TRRAP: variants seen among roughly 807,000 people sequenced by gnomAD.
The protein encoded by TRRAP is transformation/transcription domain-associated protein.
TRRAP carries 41 observed loss-of-function variants against 438.8 expected under a neutral mutation model. That is an observed-to-expected ratio of 0.09 (90% CI 0.07 to 0.12). The LOEUF (loss-of-function observed/expected upper bound fraction) is 0.12, where lower values mean the gene tolerates loss of function less well. TRRAP is among the 10% of genes least tolerant of loss of function. The pLI is 1.00. For synonymous variants in TRRAP, 1,994 were observed against 1,962.9 expected (o/e 1.02, Z -0.42); for missense variants, 3,122 against 5,055.1 (o/e 0.62, Z 11.60).
intron 21 of TRRAP, among the ~76,000 whole-genome samples, chr7:98,923,314 C>T (rs746607139): frequency 6.6e-6 from 1 of 152,144 alleles, no homozygotes; most frequent in African/African-American, 2.4e-5. Context: ...GAGGTAGGAT[C>T]GTAAAGGTCT....
At chr7:98,970,070 C>A in intron 51 of TRRAP, 42 bp from the exon 52 acceptor site, 1 of 1,600,346 alleles carries the variant, frequency 6.2e-7, no homozygotes, top group Non-Finnish European at 8.5e-7. Context: ...CTGAATGCCA[C>A]GCGCATGCCT....
At chr7:98,949,284 C>CT in intron 35 of TRRAP, 133 bp from the exon 36 acceptor site, 2 of 1,085,922 alleles carry the variant, frequency 1.8e-6, no homozygotes, top group Non-Finnish European at 2.4e-6. Flanking sequence ...GCGTGTGGTG[C>CT]TTTTTTGGTA....
At chr7:98,920,457 G>A (rs1349668725) in intron 20 of TRRAP, among the ~76,000 whole-genome samples, 3 of 150,110 alleles carry the variant, frequency 2.0e-5, no homozygotes, top group African/African-American at 4.9e-5. Context: ...TTGACAGAGC[G>A]AGACTCCGTC....
intron 3 of TRRAP, 99 bp downstream of exon 3, chr7:98,882,123 C>T: frequency 9.9e-7 from 1 of 1,011,688 alleles, no homozygotes; most frequent in Non-Finnish European, 1.4e-6. Context: ...ACTCAAAGAT[C>T]ATTGTCTTTG....
chr7:98,907,158 T>C (rs1466830898), intron 13 of TRRAP, among the ~76,000 whole-genome samples: 1 of 152,064 alleles, frequency 6.6e-6, no homozygotes, highest in African/African-American at 2.4e-5. Context: ...ACCCCTTCTC[T>C]ACTAAAAATA....
chr7:98,969,728 G>A (rs1792324475), intron 51 of TRRAP, among the ~76,000 whole-genome samples: 1 of 149,412 alleles, frequency 6.7e-6, no homozygotes, highest in Admixed American at 6.7e-5. Flanking sequence ...GTCGCCTGAG[G>A]CTGCGGGAAG....
intron 12 of TRRAP, among the ~76,000 whole-genome samples, chr7:98,904,483 C>CAAAAAAAAAA (rs59353514): frequency 8.8e-5 from 4 of 45,580 alleles, no homozygotes; most frequent in Admixed American, 2.4e-4. Flanking sequence ...GACTCTGTCT[C>CAAAAAAAAAA]AAAAAAAAAA....
chr7:98,910,216 CTGCCCCACCTCCA>C lies in TRRAP; in HGVS notation c.1512_1524del (p.Ala505ProfsTer11). The C allele has an allele frequency of 3.9e-6, 6 of 1,550,186 alleles. No individual in the cohort carries two copies. Among genetic ancestry groups the C allele is most frequent in the South Asian group, 1.2e-5 (1 of 83,702 alleles). ...CCTGCTCCCTCCCCAGCCCCTGTCCCTGCCCCACCTCCACCCCCGCCCCCACCCCCACCTGCCA... is the reference window on the plus strand; with the variant it reads ...CCTGCTCCCTCCCCAGCCCCTGTCCCCCCCCGCCCCCACCCCCACCTGCCA... On this transcript the variant is annotated frameshift_variant, in exon 15 of 73. Coordinates refer to ENST00000456197, the MANE Select transcript of TRRAP (RefSeq NM_001375524.1). LOFTEE classifies it high-confidence loss of function.
chr7:99,003,927 G>A (rs1447673301), intron 67 of TRRAP, among the ~76,000 whole-genome samples: 2 of 152,112 alleles, frequency 1.3e-5, no homozygotes, highest in Non-Finnish European at 1.5e-5. Context: ...AAAGAAATTG[G>A]CCAAGCCTGG....
At chr7:98,959,212 A>G (rs1791769550) in intron 44 of TRRAP, 132 bp from the exon 45 acceptor site, 3 of 1,268,690 alleles carry the variant, frequency 2.4e-6, no homozygotes, top group Non-Finnish European at 3.3e-6. Flanking sequence ...GGTCAGGCGG[A>G]AGAGAGGTGG....
chr7:98,897,876 T>C lies in TRRAP; in HGVS notation c.633+10T>C, dbSNP rs781928661. 14 of 1,613,642 alleles carry C rather than the reference T, an allele frequency of 8.7e-6. No individual in the cohort carries two copies. On this transcript the variant is annotated intron_variant, in intron 8 of 72. Coordinates refer to ENST00000456197, the MANE Select transcript of TRRAP (RefSeq NM_001375524.1). Reference sequence around the variant, plus strand: ...CAGTGAGACTCGAACAGTAAGTGTTTCGCTGAGTTATTTCTACCCGTGGCT... The same window carrying C: ...CAGTGAGACTCGAACAGTAAGTGTTCCGCTGAGTTATTTCTACCCGTGGCT...
At chr7:98,945,978 G>C in intron 33 of TRRAP, 28 bp downstream of exon 33, 3 of 1,430,972 alleles carry the variant, frequency 2.1e-6, no homozygotes, top group Non-Finnish European at 2.7e-6. Context: ...GCTACAGGAG[G>C]GGGTTGTTGT....
Position 98,982,616 on chromosome 7 carries a change from A to G in TRRAP, c.8827-648A>G, listed in dbSNP as rs148561288. ...AGGGAAGGAAGATATCGTGTGCGCCATAGAAGCCAAGGACAGAATTTGGAT... is the reference window on the plus strand; with the variant it reads ...AGGGAAGGAAGATATCGTGTGCGCCGTAGAAGCCAAGGACAGAATTTGGAT... On this transcript the variant is annotated intron_variant, in intron 59 of 72. Transcript: ENST00000456197. Among the ~76,000 whole-genome samples the G allele has an allele frequency of 1.8e-4, 28 of 152,338 alleles. No individual in the cohort carries two copies. In the East Asian group the frequency reaches 5.2e-3, roughly 28 times the overall value.
At chr7:98,991,563 A>G (rs1229154964) in intron 64 of TRRAP, among the ~76,000 whole-genome samples, 2 of 152,182 alleles carry the variant, frequency 1.3e-5, no homozygotes, top group Admixed American at 6.5e-5. Context: ...GACGGCTTAG[A>G]TGTTATTCCT....
At chr7:99,007,756 C>G (rs548852848) in intron 69 of TRRAP, among the ~76,000 whole-genome samples, 1 of 152,016 alleles carries the variant, frequency 6.6e-6, no homozygotes, top group Admixed American at 6.6e-5. Context: ...TCAAGCGATT[C>G]TCCCACCTCA....
At chr7:98,887,187 G>A (rs562358971) in intron 3 of TRRAP, among the ~76,000 whole-genome samples, 231 of 152,292 alleles carry the variant, frequency 1.5e-3, no homozygotes, top group African/African-American at 5.0e-3. Context: ...CCTAAATAAA[G>A]TGCTAGGATT....
At position 98,955,155 on chromosome 7, in the gene TRRAP, G is replaced by A; in HGVS notation, c.5788G>A (p.Ala1930Thr). Residue 1930 changes from alanine to threonine, a missense_variant, in exon 41 of 73, where the codon GCG (alanine) becomes ACG (threonine). By Grantham distance (58) the Ala-to-Thr change is moderately conservative. Around this residue, in one of 24 missense-constraint regions of TRRAP, gnomAD observed 35 missense variants for 104.9 expected, o/e 0.33. Coordinates refer to ENST00000456197, the MANE Select transcript of TRRAP (RefSeq NM_001375524.1). ...AMEARAIVRQ[A>T]MAILTPAVPA... is the part of the protein sequence containing the mutation. ...GGAAGCTCGAGCGATCGTCAGACAG[G>A]CGATGGCCATTCTGACCCCGGCGGT... The A allele has an allele frequency of 1.9e-6, 3 of 1,614,204 alleles. No individual in the cohort carries two copies. Among genetic ancestry groups the A allele is most frequent in the Non-Finnish European group, 2.5e-6 (3 of 1,180,040 alleles).
chr7:98,919,004 A>G (rs1365550309), intron 20 of TRRAP, among the ~76,000 whole-genome samples: 1 of 152,048 alleles, frequency 6.6e-6, no homozygotes, highest in African/African-American at 2.4e-5. Context: ...AAAAAAAGAA[A>G]AAAAGGTTGA....
chr7:98,969,373 A>G (rs1792304341), intron 51 of TRRAP, among the ~76,000 whole-genome samples: 1 of 152,154 alleles, frequency 6.6e-6, no homozygotes, highest in African/African-American at 2.4e-5. Flanking sequence ...CTTGCCACTC[A>G]GGCTAATGTG....
Sources: gnomAD v4.1 joint callset for allele counts (sites outside exome capture counted in the v4.1 genomes callset) on GRCh38, gnomAD v4.1.1 for gene constraint, gnomAD v4.1.1 regional missense constraint, MANE v1.5 for transcripts, NCBI Gene and HGNC (gene_info 2026-07-23, HGNC 2026-07-21) for gene names.